The following ATG10 variants were observed in gnomAD, a reference collection of about 807,000 sequenced individuals.
ATG10 encodes the protein ubiquitin-like-conjugating enzyme ATG10.
ATG10 carries 30 observed loss-of-function variants against 32.1 expected under a neutral mutation model. That is an observed-to-expected ratio of 0.94 (90% confidence interval 0.70 to 1.27). The LOEUF is 1.27. Among genes scored for constraint, ATG10 ranks in the 50% most tolerant of loss-of-function variants. ATG10 has a pLI of 0.00. For synonymous variants in ATG10, 87 were observed against 91.5 expected (o/e 0.95, Z 0.28); for missense variants, 233 against 262.3 (o/e 0.89, Z 0.77).
chr5:81,978,157 C>T (rs1459422109), intron 1 of ATG10, among the ~76,000 whole-genome samples: 1 of 152,058 alleles, frequency 6.6e-6, no homozygotes, highest in Non-Finnish European at 1.5e-5. Context: ...GCAACCTCTG[C>T]CTCCCAGGTT....
intron 2 of ATG10, among the ~76,000 whole-genome samples, chr5:82,014,742 C>T (rs1225057852): frequency 3.3e-5 from 5 of 152,142 alleles, no homozygotes; most frequent in African/African-American, 4.8e-5. Context: ...TGAGATGGGT[C>T]TCCTGAATAC....
chr5:82,007,205 A>G (rs1762008395), intron 2 of ATG10, among the ~76,000 whole-genome samples: 1 of 152,202 alleles, frequency 6.6e-6, no homozygotes, highest in Non-Finnish European at 1.5e-5. Flanking sequence ...TTACAATTTT[A>G]TGAAGGAAAC....
intron 5 of ATG10, among the ~76,000 whole-genome samples, chr5:82,225,382 A>G (rs958061767): frequency 6.6e-6 from 1 of 152,208 alleles, no homozygotes; most frequent in Admixed American, 6.5e-5. Context: ...TTAAGTCAGT[A>G]GAGAAAATGA....
At chr5:82,139,658 C>A (rs1318393698) in intron 3 of ATG10, among the ~76,000 whole-genome samples, 6 of 148,274 alleles carry the variant, frequency 4.0e-5, no homozygotes, top group Non-Finnish European at 9.0e-5. Flanking sequence ...GCCACCCCAT[C>A]TGGGAAGTGA....
At chr5:82,130,821 A>G (rs191672764) in intron 3 of ATG10, among the ~76,000 whole-genome samples, 17 of 152,248 alleles carry the variant, frequency 1.1e-4, no homozygotes, top group Non-Finnish European at 2.4e-4. Context: ...AAATATCTTT[A>G]TCTTTAATGA....
At chr5:82,052,058 T>C (rs150142824) in intron 2 of ATG10, among the ~76,000 whole-genome samples, 4 of 152,274 alleles carry the variant, frequency 2.6e-5, no homozygotes, top group Admixed American at 6.5e-5. Context: ...AGTGCTGGCA[T>C]TGACCTAGAA....
At chr5:82,123,494 T>C (rs1766128939) in intron 3 of ATG10, among the ~76,000 whole-genome samples, 1 of 150,772 alleles carries the variant, frequency 6.6e-6, no homozygotes, top group Non-Finnish European at 1.5e-5. Flanking sequence ...TAACAAAACT[T>C]CACATGTATC....
chr5:82,166,224 CAATT>C (rs1743576356), intron 4 of ATG10, among the ~76,000 whole-genome samples: 1 of 152,188 alleles, frequency 6.6e-6, no homozygotes, highest in Non-Finnish European at 1.5e-5. Flanking sequence ...TAAAAAAACA[CAATT>C]AACATTCTTG....
intron 5 of ATG10, chr5:82,242,876 A>G (rs868118526): frequency 1.8e-5 from 8 of 444,972 alleles, no homozygotes; most frequent in South Asian, 1.3e-4. Flanking sequence ...ACACATAGGG[A>G]AAAATGGTAA....
intron 2 of ATG10, among the ~76,000 whole-genome samples, chr5:82,004,201 G>A (rs1761928095): frequency 6.6e-6 from 1 of 152,024 alleles, no homozygotes; most frequent in African/African-American, 2.4e-5. Context: ...AAATGAATTA[G>A]GCAACAATAA....
chr5:81,978,596 T>C (rs997049799), intron 1 of ATG10, among the ~76,000 whole-genome samples: 1 of 152,158 alleles, frequency 6.6e-6, no homozygotes, highest in Non-Finnish European at 1.5e-5. Flanking sequence ...AAAATTATCT[T>C]TTGATAAAAG....
At chr5:82,056,694 A>G (rs1408957585) in intron 2 of ATG10, among the ~76,000 whole-genome samples, 6 of 152,146 alleles carry the variant, frequency 3.9e-5, no homozygotes, top group Non-Finnish European at 8.8e-5. Context: ...ATCTGTGTCT[A>G]TCCCTGGAGC....
At chr5:82,128,387 G>C (rs1049232669) in intron 3 of ATG10, among the ~76,000 whole-genome samples, 2 of 151,864 alleles carry the variant, frequency 1.3e-5, no homozygotes, top group Non-Finnish European at 2.9e-5. Context: ...TAGTGTTGAT[G>C]GTCTTTACAA....
chr5:82,203,629 A>T (rs2149966893), intron 5 of ATG10, among the ~76,000 whole-genome samples: 1 of 152,034 alleles, frequency 6.6e-6, no homozygotes, highest in South Asian at 2.1e-4. Context: ...ATTCCACTCT[A>T]GTTTTTGTCT....
intron 3 of ATG10, among the ~76,000 whole-genome samples, chr5:82,072,604 A>C (rs565639272): frequency 6.6e-6 from 1 of 152,324 alleles, no homozygotes; most frequent in South Asian, 2.1e-4. Context: ...TTTATGAAAT[A>C]ATGAAGAAAA....
intron 3 of ATG10, among the ~76,000 whole-genome samples, chr5:82,063,646 T>C: frequency 6.6e-6 from 1 of 151,880 alleles, no homozygotes; most frequent in Non-Finnish European, 1.5e-5. Context: ...GCACCCATCA[T>C]CATGCCTGGC....
At chr5:82,039,041 C>A (rs753745557) in intron 2 of ATG10, among the ~76,000 whole-genome samples, 9 of 152,086 alleles carry the variant, frequency 5.9e-5, no homozygotes, top group Non-Finnish European at 1.0e-4. Flanking sequence ...GAGATGGAGT[C>A]TCACTATTTG....
rs1251798315 is a variant in ATG10 at position 82,016,680 on chromosome 5, A to G, written c.108+29002A>G. Reference sequence around the variant, plus strand: ...GTAGATTGCTTTTGGCAGTGTGGTCATTTTCTTTCTTTCTTTTTTTTTTTT... The same window carrying G: ...GTAGATTGCTTTTGGCAGTGTGGTCGTTTTCTTTCTTTCTTTTTTTTTTTT... On this transcript the variant is annotated intron_variant, in intron 2 of 7. Transcript: ENST00000282185. Among the ~76,000 whole-genome samples the G allele has an allele frequency of 2.0e-5, 3 of 147,710 alleles. No individual in the cohort carries two copies. In the East Asian group the frequency reaches 5.9e-4, roughly 29 times the overall value.
intron 5 of ATG10, among the ~76,000 whole-genome samples, chr5:82,251,720 A>G (rs1245252824): frequency 6.6e-6 from 1 of 152,206 alleles, no homozygotes; most frequent in Non-Finnish European, 1.5e-5. Flanking sequence ...TAAATGTATC[A>G]TCAATAATAG....
Sources: allele counts gnomAD v4.1 joint callset (sites outside exome capture counted in the v4.1 genomes callset), GRCh38; gene constraint gnomAD v4.1.1; transcripts MANE v1.5; gene names NCBI Gene and HGNC (gene_info 2026-07-23, HGNC 2026-07-21).